CDK15: variants seen among roughly 807,000 people sequenced by gnomAD.
The protein encoded by CDK15 is cyclin dependent kinase 15, also known as cyclin-dependent kinase 15.
In CDK15, 62 loss-of-function variants were observed where a neutral mutation model predicts 60.3. That is an observed-to-expected ratio of 1.03 (90% confidence interval 0.84 to 1.27). The LOEUF is 1.27. CDK15 is among the 50% of genes most tolerant of loss of function. The pLI is 0.00. For synonymous variants in CDK15, 194 were observed against 195.7 expected (o/e 0.99, Z 0.07); for missense variants, 541 against 527.8 (o/e 1.03, Z -0.25).
chr2:201,861,368 T>C (rs1488820842), intron 10 of CDK15: 3 of 985,686 alleles, frequency 3.0e-6, no homozygotes, highest in Admixed American at 1.2e-4. Context: ...GGTGTATACT[T>C]ATTGGAAATG....
At chr2:201,878,591 C>T (rs1319688776) in intron 11 of CDK15, among the ~76,000 whole-genome samples, 2 of 152,164 alleles carry the variant, frequency 1.3e-5, no homozygotes, top group Non-Finnish European at 2.9e-5. Flanking sequence ...GATTTAGGTA[C>T]TTAATTATCT....
rs1027225413 is a variant in CDK15 at position 201,882,631 on chromosome 2, G to A, written c.1198+2464G>A. Among the ~76,000 whole-genome samples the A allele has an allele frequency of 2.2e-4, 34 of 151,908 alleles. No homozygotes were observed. The highest frequency in any genetic ancestry group is 8.0e-4 in the African/African-American group (33 of 41,458). On this transcript the variant is annotated intron_variant, in intron 12 of 13. Transcript: ENST00000652192. This position sits in a 1 kb window ranked among gnomAD's most constrained non-coding sequence, Gnocchi z 4.0. ...GACAGGGAAAGGCGGGGGCAAGATT[G>A]GGTGTGTGTGCTTCTGTGTGTGTGT...
intron 8 of CDK15, among the ~76,000 whole-genome samples, chr2:201,841,744 G>A (rs549334915): frequency 6.6e-6 from 1 of 152,174 alleles, no homozygotes; most frequent in Non-Finnish European, 1.5e-5. Context: ...TGGCAGCAGT[G>A]TCAGTAGGGG....
At chr2:201,872,212 C>T (rs1436942947) in intron 10 of CDK15, 66 bp from the exon 11 acceptor site, 1 of 1,466,142 alleles carries the variant, frequency 6.8e-7, no homozygotes, top group East Asian at 2.3e-5. Flanking sequence ...AGAATTTTAA[C>T]AGTATATTTG....
intron 4 of CDK15, among the ~76,000 whole-genome samples, chr2:201,815,338 T>G (rs936406225): frequency 6.6e-6 from 1 of 152,368 alleles, no homozygotes; most frequent in South Asian, 2.1e-4. Flanking sequence ...CAAATCTCTC[T>G]GATTCAAAAA....
chr2:201,880,303 A>G, intron 12 of CDK15, 136 bp downstream of exon 12: 1 of 1,113,210 alleles, frequency 9.0e-7, no homozygotes, highest in Non-Finnish European at 1.3e-6. Context: ...GTTAGAGATC[A>G]GTTTGCCTGG....
chr2:201,884,072 A>G (rs1425132572), intron 12 of CDK15, among the ~76,000 whole-genome samples: 2 of 152,220 alleles, frequency 1.3e-5, no homozygotes, highest in Non-Finnish European at 2.9e-5. Context: ...GCCATTTTGA[A>G]CTACAGACAC....
At chr2:201,853,690 C>T (rs2105785603) in intron 9 of CDK15, among the ~76,000 whole-genome samples, 1 of 151,512 alleles carries the variant, frequency 6.6e-6, no homozygotes, top group African/African-American at 2.4e-5. Context: ...GTTACTCTGT[C>T]TCCCATATAT....
At chr2:201,813,202 A>G (rs1366285778) in intron 4 of CDK15, among the ~76,000 whole-genome samples, 3 of 152,230 alleles carry the variant, frequency 2.0e-5, no homozygotes, top group Non-Finnish European at 4.4e-5. Context: ...AAGAATATGT[A>G]TATAAAGCAC....
rs112414025 is a variant in CDK15 at position 201,837,303 on chromosome 2, C to CAGAGAGAGAGAGAG, written c.851+1548_851+1561dup. Among the ~76,000 whole-genome samples, 162 of 123,690 alleles carry CAGAGAGAGAGAGAG rather than the reference C, an allele frequency of 1.3e-3. 2 individuals are homozygous for CAGAGAGAGAGAGAG. The highest frequency in any genetic ancestry group is 4.8e-3 in the African/African-American group (157 of 32,862). The allele number at this position is 123,690 out of a possible 152,430, so 81.1% of individuals were successfully genotyped here. A position where few individuals can be genotyped will look rare whatever the true frequency, so the allele number is the denominator to read the frequency against. ...ACCCCGTCTGAAAGAAAGAAAGAAA[C>CAGAGAGAGAGAGAG]AGAGAGAGAGAGAGAGAGAGAAAGA... On this transcript the variant is annotated intron_variant, in intron 8 of 13. Transcript: ENST00000652192.
intron 6 of CDK15, among the ~76,000 whole-genome samples, chr2:201,826,502 T>G (rs1044653996): frequency 2.1e-5 from 3 of 141,028 alleles, no homozygotes; most frequent in Non-Finnish European, 4.6e-5. Context: ...TTAAACACAC[T>G]GCATTTCAAC....
intron 13 of CDK15, among the ~76,000 whole-genome samples, chr2:201,892,051 T>C (rs1699656033): frequency 1.3e-5 from 2 of 152,240 alleles, no homozygotes; most frequent in Non-Finnish European, 2.9e-5. Context: ...ATTAAAGATA[T>C]CGGCTTCCTG....
intron 12 of CDK15, among the ~76,000 whole-genome samples, chr2:201,890,056 GA>G (rs1163431033): frequency 0.14 from 13,691 of 96,564 alleles, 653 homozygotes; most frequent in African/African-American, 0.22. Context: ...CTCAAAAAAA[GA>G]AAAAAAAAAA....
intron 12 of CDK15, among the ~76,000 whole-genome samples, chr2:201,887,112 C>T (rs1232304414): frequency 6.6e-6 from 1 of 152,186 alleles, no homozygotes; most frequent in African/African-American, 2.4e-5. Context: ...AGCAATGTCA[C>T]TGTTAAACAC....
At chr2:201,887,320 G>A (rs1413584022) in intron 12 of CDK15, among the ~76,000 whole-genome samples, 3 of 152,208 alleles carry the variant, frequency 2.0e-5, no homozygotes, top group East Asian at 1.9e-4. Context: ...AAAACTGAAA[G>A]GTAGTGTACA....
rs746688089 is a variant in CDK15, at chr2:201,854,875, T to C, written c.947T>C (p.Val316Ala). ...ILEQLEKIWEVLGVPTEDTWP... is the reference protein window; with the variant it reads ...ILEQLEKIWEALGVPTEDTWP... ...TTTTCTTTGTTTGGCTTTATATAGG[T>C]GCTGGGAGTCCCTACAGAGGATACT... The change falls in exon 10 of 14, where the codon GTG (valine) becomes GCG (alanine). Residue 316 changes from valine (V) to alanine (A), a missense_variant and splice_region_variant. Physicochemically the swap from Val to Ala is moderately conservative, Grantham distance 64. Transcript: ENST00000652192. 1 of 1,614,034 alleles carries C rather than the reference T, an allele frequency of 6.2e-7. No individual in the cohort carries two copies. Among genetic ancestry groups the C allele is most frequent in the South Asian group, 1.1e-5 (1 of 91,062 alleles).
chr2:201,835,737 T>C lies in CDK15; in HGVS notation c.825T>C (p.Thr275=). ...YRPPDALLGA[T]EYSSELDIWG... is the part of the protein sequence containing the mutation. Reference sequence around the variant, plus strand: ...CCCCTGATGCTTTGCTGGGAGCCACTGAATATTCCTCTGAGCTGGACATAT... The same window carrying C: ...CCCCTGATGCTTTGCTGGGAGCCACCGAATATTCCTCTGAGCTGGACATAT... Residue 275 remains threonine (T), a synonymous_variant, in exon 8 of 14, where the codon ACT becomes ACC. Transcript: ENST00000652192. 6.2e-7 allele frequency: 1 copy of C among 1,609,748 alleles called. No homozygotes were observed. The highest frequency in any genetic ancestry group is 1.1e-5 in the South Asian group (1 of 90,622).
chr2:201,865,889 C>CAAAAAAAAAA (rs1262940691), intron 10 of CDK15, among the ~76,000 whole-genome samples: 8 of 24,818 alleles, frequency 3.2e-4, no homozygotes, highest in African/African-American at 9.2e-4. Context: ...GATTCCATCT[C>CAAAAAAAAAA]AACAAAAAAA....
chr2:201,808,892 GACAT>G (rs1559111538), intron 3 of CDK15: 1 of 149,284 alleles, frequency 6.7e-6, no homozygotes, highest in East Asian at 2.0e-4. Flanking sequence ...GATTGTAGGG[GACAT>G]ACAGTTTTAT....
Sources: allele counts gnomAD v4.1 joint callset (sites outside exome capture counted in the v4.1 genomes callset), GRCh38; gene constraint gnomAD v4.1.1; non-coding constraint Gnocchi (gnomAD v3.1); transcripts MANE v1.5; gene names NCBI Gene and HGNC (gene_info 2026-07-23, HGNC 2026-07-21).